The following NOL4 variants were observed in gnomAD, a reference collection of about 807,000 sequenced individuals.
NOL4 encodes the protein nucleolar protein 4, also known as cancer/testis antigen 125.
A neutral mutation model predicts 75.9 loss-of-function variants in NOL4; 17 were observed. The observed-to-expected ratio is 0.22, with a 90% CI of 0.15 to 0.34. The LOEUF is 0.34. Among genes scored for constraint, NOL4 ranks in the 10% least tolerant of loss-of-function variants. The probability of loss-of-function intolerance (pLI) is 1.00; values close to 1 mark genes in which losing one functional copy is unlikely to be tolerated. For synonymous variants in NOL4, 292 were observed against 289.9 expected (o/e 1.01, Z -0.07); for missense variants, 614 against 793.5 (o/e 0.77, Z 2.72).
chr18:33,969,042 T>C (rs968243446), intron 6 of NOL4, among the ~76,000 whole-genome samples: 3 of 152,224 alleles, frequency 2.0e-5, no homozygotes, highest in African/African-American at 7.2e-5. Flanking sequence ...ATGTTTAGTT[T>C]GGGGAAACCT....
intron 1 of NOL4, among the ~76,000 whole-genome samples, chr18:34,140,321 T>G (rs1303775834): frequency 1.3e-5 from 2 of 152,192 alleles, no homozygotes; most frequent in Non-Finnish European, 1.5e-5. Context: ...TCTCAGTCTC[T>G]TTGTATGTCT....
intron 1 of NOL4, among the ~76,000 whole-genome samples, chr18:34,182,584 C>T (rs1209371808): frequency 6.6e-6 from 1 of 151,614 alleles, no homozygotes. Flanking sequence ...AATCAATACA[C>T]TGATACATTT....
intron 2 of NOL4, among the ~76,000 whole-genome samples, chr18:34,108,762 T>A (rs901241299): frequency 6.6e-6 from 1 of 152,114 alleles, no homozygotes; most frequent in African/African-American, 2.4e-5. Flanking sequence ...CTTCAATATA[T>A]CCCTTTCAAT....
At chr18:33,908,442 A>C (rs1020835359) in intron 9 of NOL4, among the ~76,000 whole-genome samples, 1 of 152,150 alleles carries the variant, frequency 6.6e-6, no homozygotes, top group African/African-American at 2.4e-5. Context: ...ATATCACTAC[A>C]TAATGGATTT....
At position 34,182,280 on chromosome 18, in the gene NOL4, C is replaced by A. The variant is rs115220723; in HGVS notation, c.264+40710G>T. Among the ~76,000 whole-genome samples the A allele has an allele frequency of 2.3e-3, 348 of 151,500 alleles. 1 individual carries two copies. The highest frequency in any genetic ancestry group is 8.0e-3 in the African/African-American group (331 of 41,414). On this transcript the variant is annotated intron_variant, in intron 1 of 10. Transcript: ENST00000261592. ...AACATGCCTGAAACTTGAGAACATG[C>A]TAAATGAAAGAAAACAGATAGGAAG...
chr18:34,180,329 G>C (rs2033927297), intron 1 of NOL4, among the ~76,000 whole-genome samples: 1 of 151,554 alleles, frequency 6.6e-6, no homozygotes, highest in African/African-American at 2.4e-5. Flanking sequence ...ATGCAAAGCT[G>C]ATGGAATAGA....
chr18:34,075,108 G>A (rs1046169632), intron 5 of NOL4, among the ~76,000 whole-genome samples: 2 of 152,144 alleles, frequency 1.3e-5, no homozygotes, highest in Non-Finnish European at 2.9e-5. Flanking sequence ...TACAGGTTGA[G>A]TATCCCTTAT....
At chr18:34,000,672 A>G (rs1282068650) in intron 6 of NOL4, among the ~76,000 whole-genome samples, 1 of 152,116 alleles carries the variant, frequency 6.6e-6, no homozygotes, top group East Asian at 1.9e-4. Context: ...AAATTAAATC[A>G]AAGAATCCCA....
intron 1 of NOL4, among the ~76,000 whole-genome samples, chr18:34,170,778 A>G (rs1423268203): frequency 6.6e-6 from 1 of 152,146 alleles, no homozygotes; most frequent in African/African-American, 2.4e-5. Flanking sequence ...CAAATCTTGC[A>G]AATGGTCTTT....
chr18:34,130,157 A>T (rs2080573393), intron 1 of NOL4, 137 bp from the exon 2 acceptor site: 1 of 756,852 alleles, frequency 1.3e-6, no homozygotes, highest in African/African-American at 1.8e-5. Context: ...AAATTCATGA[A>T]TGAATATTTC....
intron 6 of NOL4, among the ~76,000 whole-genome samples, chr18:34,005,350 T>C (rs1035802256): frequency 6.6e-6 from 1 of 152,084 alleles, no homozygotes; most frequent in Non-Finnish European, 1.5e-5. Flanking sequence ...TTTCTGGCTC[T>C]CTGCTTCATC....
intron 2 of NOL4, 27 bp downstream of exon 2, chr18:34,129,844 C>T: frequency 7.9e-6 from 12 of 1,517,016 alleles, no homozygotes; most frequent in Non-Finnish European, 1.1e-5. Context: ...GAAATGCATG[C>T]TCTTTTTTTT....
At chr18:34,156,902 T>C (rs1362578867) in intron 1 of NOL4, among the ~76,000 whole-genome samples, 3 of 152,104 alleles carry the variant, frequency 2.0e-5, no homozygotes, top group African/African-American at 7.2e-5. Flanking sequence ...ATCTGTCCCC[T>C]GCCTCCTTCC....
chr18:34,082,585 T>C (rs1008963181), intron 5 of NOL4, among the ~76,000 whole-genome samples: 18 of 152,186 alleles, frequency 1.2e-4, no homozygotes, highest in African/African-American at 2.4e-5. Context: ...AATAGAATCA[T>C]GCACACAATA....
rs530103137 is a variant in NOL4 at position 34,022,245 on chromosome 18, C to T, written c.773-2644G>A. ...TTTTAAACAGTTTTCTAAGACTACC[C>T]TGTGAAAAATGTTAAAATATGTTCA... is the stretch of plus-strand genomic sequence containing the variant. On this transcript the variant is annotated intron_variant, in intron 5 of 10. Coordinates refer to ENST00000261592, the MANE Select transcript of NOL4 (RefSeq NM_003787.5). Among the ~76,000 whole-genome samples, 4 of 151,726 alleles carry T rather than the reference C, an allele frequency of 2.6e-5. No homozygotes were observed. In the South Asian group the frequency reaches 8.3e-4, roughly 32 times the overall value.
chr18:33,929,333 T>G (rs1338736126), intron 9 of NOL4, among the ~76,000 whole-genome samples: 1 of 152,098 alleles, frequency 6.6e-6, no homozygotes, highest in Admixed American at 6.5e-5. Context: ...AATACCCTCC[T>G]CTAGCTTTTC....
At chr18:34,203,705 T>TCA (rs2035905829) in intron 1 of NOL4, among the ~76,000 whole-genome samples, 1 of 103,584 alleles carries the variant, frequency 9.7e-6, no homozygotes, top group Non-Finnish European at 2.1e-5. Context: ...TCTCTCTCTC[T>TCA]CTCTCTCTCT....
At chr18:34,108,085 C>T (rs548182101) in intron 2 of NOL4, among the ~76,000 whole-genome samples, 1 of 152,258 alleles carries the variant, frequency 6.6e-6, no homozygotes, top group East Asian at 1.9e-4. Flanking sequence ...CCCTCCATTA[C>T]ACTCGAGGCA....
intron 1 of NOL4, among the ~76,000 whole-genome samples, chr18:34,219,555 A>G (rs766167271): frequency 2.0e-5 from 3 of 152,246 alleles, no homozygotes; most frequent in Non-Finnish European, 4.4e-5. Context: ...AAAACAAACT[A>G]CACTGGAACT....
Sources: allele counts gnomAD v4.1 joint callset (sites outside exome capture counted in the v4.1 genomes callset), GRCh38; gene constraint gnomAD v4.1.1; transcripts MANE v1.5; gene names NCBI Gene and HGNC (gene_info 2026-07-23, HGNC 2026-07-21).